AGBL1: variants seen among roughly 807,000 people sequenced by gnomAD.
The protein encoded by AGBL1 is cytosolic carboxypeptidase 4.
A neutral mutation model predicts 118.9 loss-of-function variants in AGBL1; 130 were observed. The observed-to-expected ratio is 1.09, with a 90% CI of 0.95 to 1.26. The LOEUF (loss-of-function observed/expected upper bound fraction) is 1.26, where lower values mean the gene tolerates loss of function less well. Ranked by LOEUF, AGBL1 falls within the 50% of genes most tolerant of loss-of-function variation. The probability of loss-of-function intolerance (pLI) is 0.00; values close to 1 mark genes in which losing one functional copy is unlikely to be tolerated. For synonymous variants in AGBL1, 555 were observed against 478.9 expected, an observed-to-expected ratio of 1.16 and a Z score of -2.08; for missense variants, 1,584 against 1,298.1, an observed-to-expected ratio of 1.22 and a Z score of -3.38.
At chr15:86,999,559 T>C (rs2081414454) in intron 24 of AGBL1, among the ~76,000 whole-genome samples, 1 of 148,644 alleles carries the variant, frequency 6.7e-6, no homozygotes, top group African/African-American at 2.6e-5. Flanking sequence ...CATGAACTCA[T>C]CATTTTTTAT....
rs201957474 is a variant in AGBL1, at chr15:86,427,478, A to AT, written c.2555+29941dup. 2.3e-3 allele frequency among the ~76,000 whole-genome samples: 338 copies of AT among 147,334 alleles called. 4 individuals are homozygous for AT. Among genetic ancestry groups the AT allele is most frequent in the African/African-American group, 7.8e-3 (313 of 39,996 alleles). On this transcript the variant is annotated intron_variant, in intron 18 of 22. Coordinates refer to ENST00000614907, the MANE Select transcript of AGBL1 (RefSeq NM_001386094.1). ...CATTCAGTGTCTTTTATGCTATTTT[A>AT]TTTTTTTTTCAGTCTGTTTGAAGCA... is the stretch of plus-strand genomic sequence containing the variant.
chr15:86,276,290 T>C (rs2141706054), intron 15 of AGBL1, among the ~76,000 whole-genome samples: 1 of 152,342 alleles, frequency 6.6e-6, no homozygotes. Flanking sequence ...AAGAAGCAGA[T>C]GATATAATAA....
intron 1 of AGBL1, among the ~76,000 whole-genome samples, chr15:86,081,883 C>T (rs1895309201): frequency 6.6e-6 from 1 of 152,216 alleles, no homozygotes; most frequent in Admixed American, 6.5e-5. Context: ...CAATTGCCTG[C>T]ATTCCCACCA....
At chr15:86,579,890 A>G (rs77268894) in intron 21 of AGBL1, among the ~76,000 whole-genome samples, 3,817 of 152,272 alleles carry the variant, frequency 0.025, 100 homozygotes, top group East Asian at 0.14. Flanking sequence ...AAAGCCTATG[A>G]TGACTCCCAG....
At chr15:86,636,227 T>C (rs2085080076) in intron 21 of AGBL1, among the ~76,000 whole-genome samples, 1 of 152,090 alleles carries the variant, frequency 6.6e-6, no homozygotes, top group Non-Finnish European at 1.5e-5. Context: ...TTTATAACAG[T>C]AGGGCCCTGG....
chr15:86,467,041 G>T (rs924834670), intron 18 of AGBL1, among the ~76,000 whole-genome samples: 12 of 152,354 alleles, frequency 7.9e-5, no homozygotes, highest in Admixed American at 3.3e-4. Context: ...CCGCGTGCAG[G>T]AACATTTAAT....
intron 22 of AGBL1, among the ~76,000 whole-genome samples, chr15:86,695,239 G>A (rs2086236463): frequency 6.6e-6 from 1 of 151,758 alleles, no homozygotes; most frequent in Non-Finnish European, 1.5e-5. Flanking sequence ...TTTTTTGTTG[G>A]TAATTTTTTG....
intron 23 of AGBL1, among the ~76,000 whole-genome samples, chr15:86,985,591 C>G (rs1327794972): frequency 6.7e-6 from 1 of 148,850 alleles, no homozygotes; most frequent in African/African-American, 2.5e-5. Context: ...TGTTTGCGTT[C>G]TCATTTAGGA....
chr15:86,173,971 C>T (rs896794167), intron 5 of AGBL1, among the ~76,000 whole-genome samples: 12 of 152,012 alleles, frequency 7.9e-5, no homozygotes, highest in Non-Finnish European at 1.6e-4. Context: ...TTCTCTATTT[C>T]TGTGAAGGAT....
Position 86,264,537 on chromosome 15 carries a change from A to T in AGBL1, c.1366A>T (p.Ile456Phe), listed in dbSNP as rs1291054984. The T allele has an allele frequency of 5.0e-6, 8 of 1,614,002 alleles. No homozygotes were observed. Among genetic ancestry groups the T allele is most frequent in the Non-Finnish European group, 5.9e-6 (7 of 1,179,886 alleles). The change falls in exon 11 of 23, where the codon ATC becomes TTC. Residue 456 changes from isoleucine to phenylalanine, a missense_variant. By Grantham distance (21) the Ile-to-Phe change is conservative (BLOSUM62 0). Transcript: ENST00000614907. ...SLRRDSSESE[I>F]PDIQASPKAD... Reference sequence around the variant, plus strand: ...CAGGAGAGATTCTTCTGAAAGTGAAATCCCTGACATTCAGGCTTCCCCGAA... The same window carrying T: ...CAGGAGAGATTCTTCTGAAAGTGAATTCCCTGACATTCAGGCTTCCCCGAA...
chr15:86,538,060 C>T (rs74600367), intron 19 of AGBL1, among the ~76,000 whole-genome samples: 3,665 of 152,238 alleles, frequency 0.024, 85 homozygotes, highest in African/African-American at 0.063. Context: ...TGGCCAAAAA[C>T]GTCCTTCAGC....
At chr15:86,500,450 G>A (rs1341818835) in intron 18 of AGBL1, among the ~76,000 whole-genome samples, 1 of 151,724 alleles carries the variant, frequency 6.6e-6, no homozygotes, top group Non-Finnish European at 1.5e-5. Context: ...GCTAATGTAT[G>A]GACTATTTGG....
chr15:86,366,700 A>G (rs2080892699), intron 17 of AGBL1, among the ~76,000 whole-genome samples: 2 of 152,176 alleles, frequency 1.3e-5, no homozygotes, highest in Admixed American at 1.3e-4. Context: ...TCCCCAAACA[A>G]GTTATGCCAG....
intron 24 of AGBL1, among the ~76,000 whole-genome samples, chr15:86,988,981 A>AT (rs979717825): frequency 5.4e-5 from 7 of 129,620 alleles, no homozygotes; most frequent in African/African-American, 1.1e-4. Flanking sequence ...TTCATCTCTG[A>AT]TTTTTTTCCC....
chr15:86,152,744 G>C (rs2077130903), intron 3 of AGBL1, among the ~76,000 whole-genome samples: 1 of 152,280 alleles, frequency 6.6e-6, no homozygotes, highest in Middle Eastern at 3.4e-3. Context: ...CAGAATGGGA[G>C]AAAAATTTTG....
At chr15:86,122,697 G>T (rs964164922) in intron 1 of AGBL1, among the ~76,000 whole-genome samples, 4 of 152,188 alleles carry the variant, frequency 2.6e-5, no homozygotes, top group Non-Finnish European at 5.9e-5. Flanking sequence ...TGAAAAAAAG[G>T]TGTAAACCAA....
chr15:86,716,743 A>G (rs16977939), intron 22 of AGBL1, among the ~76,000 whole-genome samples: 1,852 of 152,322 alleles, frequency 0.012, 27 homozygotes, highest in East Asian at 0.066. Context: ...AAGATTTGGA[A>G]TAGATGCATA....
chr15:86,859,014 G>A (rs867151600), intron 22 of AGBL1, among the ~76,000 whole-genome samples: 4 of 152,288 alleles, frequency 2.6e-5, no homozygotes, highest in Middle Eastern at 6.8e-3. Context: ...CAAATGGTAG[G>A]ACAAATGCTC....
intron 23 of AGBL1, among the ~76,000 whole-genome samples, chr15:86,974,555 A>G (rs2081152391): frequency 7.7e-6 from 1 of 129,732 alleles, no homozygotes; most frequent in Non-Finnish European, 1.7e-5. Flanking sequence ...ATATAATTAT[A>G]TAATATAAAT....
Sources: gnomAD v4.1 joint callset for allele counts (sites outside exome capture counted in the v4.1 genomes callset) on GRCh38, gnomAD v4.1.1 for gene constraint, MANE v1.5 for transcripts, NCBI Gene and HGNC (gene_info 2026-07-23, HGNC 2026-07-21) for gene names.